LMO2: variants seen among roughly 807,000 people sequenced by gnomAD.
The protein encoded by LMO2 is rhombotin-2.
In LMO2, 20 loss-of-function variants were observed where a neutral mutation model predicts 23.2. The ratio of observed to expected loss-of-function variants is 0.86; its 90% CI spans 0.61 to 1.25. LMO2 has a LOEUF of 1.25. Ranked by LOEUF, LMO2 falls within the 50% of genes most tolerant of loss-of-function variation. The probability of loss-of-function intolerance (pLI) is 0.00; values close to 1 mark genes in which losing one functional copy is unlikely to be tolerated. For missense variants in LMO2, 270 were observed against 315.3 expected (o/e 0.86, Z 1.09); for synonymous variants, 123 against 130.2 (o/e 0.94, Z 0.38).
intron 2 of LMO2, among the ~76,000 whole-genome samples, chr11:33,873,291 C>T (rs1463368238): frequency 6.6e-6 from 1 of 152,156 alleles, no homozygotes; most frequent in Non-Finnish European, 1.5e-5. Flanking sequence ...AGTTTCTTAT[C>T]TTTCACAACT....
intron 1 of LMO2, among the ~76,000 whole-genome samples, chr11:33,891,313 C>T (rs1857539941): frequency 6.6e-6 from 1 of 151,440 alleles, no homozygotes; most frequent in African/African-American, 2.4e-5. Context: ...GCAGCAGCCC[C>T]ACCTCTTCGT....
intron 2 of LMO2, chr11:33,871,201 C>CTGTG (rs56309116): frequency 0.021 from 3,353 of 160,092 alleles, 63 homozygotes; most frequent in Admixed American, 0.054. Context: ...TAATCAAAAG[C>CTGTG]TGTGTGTGTG....
chr11:33,887,330 G>A (rs1325033393), intron 1 of LMO2, among the ~76,000 whole-genome samples: 1 of 152,158 alleles, frequency 6.6e-6, no homozygotes, highest in East Asian at 1.9e-4. Flanking sequence ...GTGGGGTTGG[G>A]GAACCTGAGG....
Position 33,864,572 on chromosome 11 carries a change from G to C in LMO2, c.464+30C>G, listed in dbSNP as rs201444364. 3.9e-3 allele frequency: 6,159 copies of C among 1,588,208 alleles called. 17 individuals are homozygous for C. Among genetic ancestry groups the C allele is most frequent in the Non-Finnish European group, 4.6e-3 (5,301 of 1,162,376 alleles). On this transcript the variant is annotated intron_variant, in intron 5 of 5. Coordinates refer to ENST00000257818, the MANE Select transcript of LMO2 (RefSeq NM_005574.4). The surrounding 1 kb of genome is among the most constrained non-coding windows in gnomAD (Gnocchi z 4.8). ...CCATGGACCACCCAGCCTCCCTTCCGAGGGCCCAGTGGAGTGCCGGGGAGG... is the reference window on the plus strand; with the variant it reads ...CCATGGACCACCCAGCCTCCCTTCCCAGGGCCCAGTGGAGTGCCGGGGAGG...
At chr11:33,890,617 G>A (rs537502452) in intron 1 of LMO2, among the ~76,000 whole-genome samples, 1 of 152,298 alleles carries the variant, frequency 6.6e-6, no homozygotes, top group East Asian at 1.9e-4. Flanking sequence ...CTCCCAAAGT[G>A]CTAAGATTAC....
chr11:33,870,700 C>A (rs1856995723), intron 2 of LMO2, among the ~76,000 whole-genome samples: 1 of 152,226 alleles, frequency 6.6e-6, no homozygotes, highest in African/African-American at 2.4e-5. Flanking sequence ...CGGACTCCTG[C>A]GGTTAAACTG....
Position 33,869,911 on chromosome 11 carries a change from T to G in LMO2, c.-195A>C. The G allele has an allele frequency of 9.5e-7, 1 of 1,050,186 alleles. No individual in the cohort carries two copies. Among genetic ancestry groups the G allele is most frequent in the African/African-American group, 1.7e-5 (1 of 58,994 alleles). The allele number at this position is 1,050,186 out of a possible 1,614,324, so 65.1% of individuals were successfully genotyped here. A position where few individuals can be genotyped will look rare whatever the true frequency, so the allele number is the denominator to read the frequency against. On this transcript the variant is annotated 5_prime_UTR_variant, in exon 3 of 6. Coordinates refer to ENST00000257818, the MANE Select transcript of LMO2 (RefSeq NM_005574.4). ...GGGCGGGGAGGGGACCGTGCGTCTC[T>G]CTCCGGGCTTCCTCCTCTCTCGGGA...
At chr11:33,860,830 C>CCT (rs1856545921) in intron 5 of LMO2, among the ~76,000 whole-genome samples, 1 of 152,146 alleles carries the variant, frequency 6.6e-6, no homozygotes, top group Non-Finnish European at 1.5e-5. Context: ...CTCCTCCTTC[C>CCT]CTACCCAACT....
chr11:33,859,677 G>A (rs1014957678), intron 5 of LMO2, 102 bp from the exon 6 acceptor site: 3 of 1,049,604 alleles, frequency 2.9e-6, no homozygotes, highest in African/African-American at 3.2e-5. Context: ...CTTTCAGGAT[G>A]TCAGGAAGCC....
intron 1 of LMO2, among the ~76,000 whole-genome samples, chr11:33,889,287 G>A (rs1188644188): frequency 1.3e-5 from 2 of 152,152 alleles, no homozygotes; most frequent in African/African-American, 2.4e-5. Context: ...CCAACTAGGG[G>A]TGAAATGTCC....
intron 2 of LMO2, among the ~76,000 whole-genome samples, chr11:33,876,667 C>T (rs1857144513): frequency 6.6e-6 from 1 of 152,224 alleles, no homozygotes; most frequent in South Asian, 2.1e-4. Flanking sequence ...CAAGGCCACT[C>T]TTTGAAGCCT....
chr11:33,866,667 C>T (rs1465033680), intron 4 of LMO2, among the ~76,000 whole-genome samples: 5 of 152,134 alleles, frequency 3.3e-5, no homozygotes, highest in African/African-American at 1.2e-4. Context: ...TGTTTTGAGA[C>T]ACAGTTTCAC....
chr11:33,874,848 C>A (rs1382303548), intron 2 of LMO2, among the ~76,000 whole-genome samples: 2 of 152,250 alleles, frequency 1.3e-5, no homozygotes, highest in Admixed American at 1.3e-4. Flanking sequence ...TCCCCTCCAA[C>A]AACTTTCAAA....
At chr11:33,889,866 C>T (rs1857501455) in intron 1 of LMO2, among the ~76,000 whole-genome samples, 1 of 152,108 alleles carries the variant, frequency 6.6e-6, no homozygotes, top group African/African-American at 2.4e-5. Flanking sequence ...GCACTAGTCA[C>T]AATAGCAAAG....
intron 1 of LMO2, among the ~76,000 whole-genome samples, chr11:33,889,740 G>A (rs149402533): frequency 0.017 from 2,583 of 152,334 alleles, 30 homozygotes; most frequent in African/African-American, 0.021. Flanking sequence ...AGAACAGTAT[G>A]GAGATTTGTC....
In LMO2 at chr11:33,859,471, T is replaced by C. The variant is rs570458390; in HGVS notation, c.569A>G (p.Lys190Arg). ...KDKVYHLECFKCAACQKHFCV... is the reference protein window; with the variant it reads ...KDKVYHLECFRCAACQKHFCV... ...GAAATGCTTCTGACAGGCGGCGCAT[T>C]TGAAACATTCCAGGTGATACACTTT... The change falls in exon 6 of 6, where the codon AAA (lysine) becomes AGA (arginine). Residue 190 changes from lysine (K) to arginine (R), a missense_variant. Around this residue, in one of 2 missense-constraint regions of LMO2, gnomAD observed 100 missense variants for 153.3 expected, o/e 0.65. Coordinates refer to ENST00000257818, the MANE Select transcript of LMO2 (RefSeq NM_005574.4). 6.2e-7 allele frequency: 1 copy of C among 1,614,108 alleles called. No homozygotes were observed. The highest frequency in any genetic ancestry group is 2.2e-5 in the East Asian group (1 of 44,878).
At chr11:33,875,005 G>C (rs1443610031) in intron 2 of LMO2, among the ~76,000 whole-genome samples, 1 of 152,236 alleles carries the variant, frequency 6.6e-6, no homozygotes, top group Non-Finnish European at 1.5e-5. Context: ...TTTCTAGCTT[G>C]CTCCTTGGAG....
intron 2 of LMO2, 80 bp from the exon 3 acceptor site, chr11:33,870,067 TTCC>T: frequency 4.4e-6 from 2 of 458,662 alleles, no homozygotes; most frequent in Non-Finnish European, 5.7e-6. Context: ...CCCTTTTTTC[TTCC>T]TTTTTTTTTT....
intron 5 of LMO2, among the ~76,000 whole-genome samples, chr11:33,862,589 CG>C (rs1856623575): frequency 9.2e-6 from 1 of 108,282 alleles, no homozygotes; most frequent in South Asian, 3.9e-4. Context: ...GAAATCCTCA[CG>C]GGGACAAGTT....
Sources: gnomAD v4.1 joint callset for allele counts (sites outside exome capture counted in the v4.1 genomes callset) on GRCh38, gnomAD v4.1.1 for gene constraint, gnomAD v4.1.1 regional missense constraint, Gnocchi (gnomAD v3.1) non-coding constraint, MANE v1.5 for transcripts, NCBI Gene and HGNC (gene_info 2026-07-23, HGNC 2026-07-21) for gene names.